Variants in TBL1X observed in about 807,000 individuals in gnomAD.
TBL1X encodes the protein transducin beta like 1 X-linked.
In TBL1X, 10 loss-of-function variants were observed where a neutral mutation model predicts 50.7. The ratio of observed to expected loss-of-function variants is 0.20; its 90% confidence interval spans 0.12 to 0.33. The LOEUF is 0.33. Ranked by LOEUF, TBL1X falls within the 10% of genes least tolerant of loss-of-function variation. The probability of loss-of-function intolerance (pLI) is 1.00; values close to 1 mark genes in which losing one functional copy is unlikely to be tolerated. For missense variants in TBL1X, 340 were observed against 504.4 expected, an observed-to-expected ratio of 0.67 and a Z score of 3.12; for synonymous variants, 190 against 214.7, an observed-to-expected ratio of 0.88 and a Z score of 1.01.
chrX:9,575,992 A>G (rs766324570), intron 2 of TBL1X, among the ~76,000 whole-genome samples: 26 of 112,191 alleles, frequency 2.3e-4, no homozygotes, highest in Non-Finnish European at 4.3e-4. Context: ...AGTGAGATTA[A>G]TACTAATCTG....
At chrX:9,711,567 A>G (rs1329452199) in intron 15 of TBL1X, 44 bp from the exon 16 acceptor site, 2 of 1,109,960 alleles carry the variant, frequency 1.8e-6, no homozygotes, top group African/African-American at 3.7e-5. Context: ...ACTGTTTGAA[A>G]CCACCGTGTG....
chrX:9,576,669 CT>C (rs1347171773), intron 2 of TBL1X, among the ~76,000 whole-genome samples: 1 of 97,614 alleles, frequency 1.0e-5, no homozygotes, highest in Non-Finnish European at 2.0e-5. Context: ...AAAACTAGCT[CT>C]TTAGATCTTT....
intron 2 of TBL1X, chrX:9,636,938 G>A (rs1342803051): frequency 8.9e-6 from 1 of 112,172 alleles, no homozygotes; most frequent in Non-Finnish European, 1.9e-5. Flanking sequence ...ACATTTGGCT[G>A]GACCTTTGTA....
intron 2 of TBL1X, among the ~76,000 whole-genome samples, chrX:9,553,144 GA>G (rs934364940): frequency 1.9e-5 from 2 of 107,758 alleles, no homozygotes; most frequent in African/African-American, 3.4e-5. Flanking sequence ...CACTGTCCCA[GA>G]AAAAAAAACA....
intron 1 of TBL1X, among the ~76,000 whole-genome samples, chrX:9,493,810 G>T (rs766322036): frequency 9.0e-6 from 1 of 111,254 alleles, no homozygotes; most frequent in African/African-American, 3.3e-5. Context: ...AACAACCTGC[G>T]TAATTGTAGA....
intron 2 of TBL1X, among the ~76,000 whole-genome samples, chrX:9,580,112 G>A (rs1164744182): frequency 8.9e-6 from 1 of 112,138 alleles, no homozygotes; most frequent in Non-Finnish European, 1.9e-5. Flanking sequence ...CCAAGGTGGT[G>A]GGGGCACAAC....
At chrX:9,615,086 G>T (rs747324812) in intron 2 of TBL1X, among the ~76,000 whole-genome samples, 1 of 111,499 alleles carries the variant, frequency 9.0e-6, no homozygotes, top group African/African-American at 3.3e-5. Context: ...AGCACTCTGG[G>T]GTTACCTGGG....
chrX:9,619,789 C>T (rs1489466564), intron 2 of TBL1X, among the ~76,000 whole-genome samples: 1 of 111,503 alleles, frequency 9.0e-6, no homozygotes, highest in East Asian at 2.8e-4. Context: ...CCTCTAGCTG[C>T]GAGCTTACAT....
chrX:9,627,071 C>T (rs1451656944), intron 2 of TBL1X, among the ~76,000 whole-genome samples: 5 of 111,998 alleles, frequency 4.5e-5, no homozygotes, highest in Admixed American at 2.8e-4. Flanking sequence ...TGTAATGCAA[C>T]TAGGGAAGCA....
chrX:9,567,348 C>CA (rs954344270), intron 2 of TBL1X, among the ~76,000 whole-genome samples: 1 of 111,231 alleles, frequency 9.0e-6, no homozygotes, highest in Non-Finnish European at 1.9e-5. Flanking sequence ...CCAGGGCACT[C>CA]ATGGAGCCAG....
At chrX:9,650,578 A>G (rs754960788) in intron 3 of TBL1X, among the ~76,000 whole-genome samples, 2 of 111,437 alleles carry the variant, frequency 1.8e-5, no homozygotes, top group South Asian at 7.5e-4. Flanking sequence ...CGTCCTTTGT[A>G]ATTCTCTTCC....
rs772168770 is a variant in TBL1X, at chrX:9,711,788, AC to A, written c.1605+16del. On this transcript the variant is annotated intron_variant, in intron 16 of 17. Transcript: ENST00000645353. ...TCTGGAATACTCAGGTAAGCTCCCG[AC>A]CCCTACACCAAATCCTTTTAGTAAG... 7 of 1,175,297 alleles carry A rather than the reference AC, an allele frequency of 6.0e-6. No individual in the cohort carries two copies. Among genetic ancestry groups the A allele is most frequent in the Non-Finnish European group, 8.0e-6 (7 of 875,112 alleles).
chrX:9,718,411 C>G lies in TBL1X; in HGVS notation c.*2165C>G, dbSNP rs185455773. 1.8e-4 allele frequency: 20 copies of G among 111,905 alleles called. No individual in the cohort carries two copies. The highest frequency in any genetic ancestry group is 6.5e-4 in the African/African-American group (20 of 30,800). 9.2% of individuals were successfully genotyped at this position (111,905 alleles called of 1,213,427 possible). On this transcript the variant is annotated 3_prime_UTR_variant, in exon 18 of 18. Transcript: ENST00000645353. ...CTGAGATGAGTATTTTATTCGTGTT[C>G]TGTTTCCGAAACACTTAGCAAAGAA...
At chrX:9,555,030 CAA>C (rs1165292816) in intron 2 of TBL1X, among the ~76,000 whole-genome samples, 1 of 111,977 alleles carries the variant, frequency 8.9e-6, no homozygotes, top group Non-Finnish European at 1.9e-5. Flanking sequence ...ATTTAGTTTT[CAA>C]GGTTCATCCA....
chrX:9,591,828 A>AT (rs1462512989), intron 2 of TBL1X, among the ~76,000 whole-genome samples: 2 of 111,711 alleles, frequency 1.8e-5, no homozygotes, highest in East Asian at 5.6e-4. Context: ...ACCTCCAGGA[A>AT]TTTTTCCCCT....
chrX:9,567,797 A>G (rs188487700), intron 2 of TBL1X, among the ~76,000 whole-genome samples: 2 of 111,310 alleles, frequency 1.8e-5, no homozygotes, highest in Non-Finnish European at 3.8e-5. Context: ...GCACCACTTA[A>G]ACTACAGCCT....
At chrX:9,662,214 C>A (rs1158246210) in intron 5 of TBL1X, among the ~76,000 whole-genome samples, 5 of 111,410 alleles carry the variant, frequency 4.5e-5, no homozygotes, top group Non-Finnish European at 9.4e-5. Context: ...CTTGAGAGAG[C>A]TGAACAGAAA....
At chrX:9,654,778 G>T (rs777159663) in intron 5 of TBL1X, among the ~76,000 whole-genome samples, 1 of 111,000 alleles carries the variant, frequency 9.0e-6, no homozygotes, top group Non-Finnish European at 1.9e-5. Context: ...CAACATTTTT[G>T]ATTACCACTG....
intron 1 of TBL1X, among the ~76,000 whole-genome samples, chrX:9,474,195 A>T (rs1272416706): frequency 3.5e-5 from 4 of 113,193 alleles, no homozygotes; most frequent in African/African-American, 1.3e-4. Flanking sequence ...CATGAAATGC[A>T]TGTTACTTGA....
Sources: gnomAD v4.1 joint callset for allele counts (sites outside exome capture counted in the v4.1 genomes callset) on GRCh38, gnomAD v4.1.1 for gene constraint, MANE v1.5 for transcripts, NCBI Gene and HGNC (gene_info 2026-07-23, HGNC 2026-07-21) for gene names.